SGCZ: variants seen among roughly 807,000 people sequenced by gnomAD.
SGCZ encodes the protein sarcoglycan zeta.
A neutral mutation model predicts 41.3 loss-of-function variants in SGCZ; 40 were observed. That is an observed-to-expected ratio of 0.97 (90% CI 0.75 to 1.26). The LOEUF (loss-of-function observed/expected upper bound fraction) is 1.26, where lower values mean the gene tolerates loss of function less well. Among genes scored for constraint, SGCZ ranks in the 50% most tolerant of loss-of-function variants. The pLI, the probability that SGCZ is intolerant of heterozygous loss-of-function variation, is 0.00. For missense variants in SGCZ, 552 were observed against 369.8 expected (o/e 1.49, Z -4.04); for synonymous variants, 206 against 137.5 (o/e 1.50, Z -3.49).
rs192997823 is a variant in SGCZ, at chr8:14,409,695, C to T, written c.235-85491G>A. Among the ~76,000 whole-genome samples, 402 of 152,134 alleles carry T rather than the reference C, an allele frequency of 2.6e-3. 2 individuals are homozygous for T. Among genetic ancestry groups the T allele is most frequent in the African/African-American group, 8.8e-3 (366 of 41,516 alleles). On this transcript the variant is annotated intron_variant, in intron 2 of 7. Coordinates refer to ENST00000382080, the MANE Select transcript of SGCZ (RefSeq NM_139167.4). The stretch of plus-strand genomic sequence containing the variant: ...GCTAACCACCATATTTGTGAAATAA[C>T]GTTTACTTGTTGAGAACATTCATTC...
chr8:14,370,525 G>A (rs550629490), intron 2 of SGCZ, among the ~76,000 whole-genome samples: 1 of 151,918 alleles, frequency 6.6e-6, no homozygotes, highest in East Asian at 1.9e-4. Context: ...AACACAACTG[G>A]TAAACAGATT....
In SGCZ at chr8:14,960,963, ACT is replaced by A. The variant is rs1554528846; in HGVS notation, c.39+276620_39+276621del. ...CACACACACACACACACACACACACACTCACTCAAGCAGAAATCACAAAGCCA... is the reference window on the plus strand; with the variant it reads ...CACACACACACACACACACACACACACACTCAAGCAGAAATCACAAAGCCA... On this transcript the variant is annotated intron_variant, in intron 1 of 7. Transcript: ENST00000382080. 5.9e-3 allele frequency among the ~76,000 whole-genome samples: 658 copies of A among 110,748 alleles called. 7 individuals are homozygous for A. The highest frequency in any genetic ancestry group is 0.046 in the East Asian group (207 of 4,534). 72.7% of individuals were successfully genotyped at this position (110,748 alleles called of 152,430 possible).
intron 1 of SGCZ, among the ~76,000 whole-genome samples, chr8:14,575,790 C>G (rs901980781): frequency 6.6e-6 from 1 of 151,862 alleles, no homozygotes; most frequent in African/African-American, 2.4e-5. Flanking sequence ...CCTGTAATCC[C>G]AGCTACTTTG....
intron 1 of SGCZ, among the ~76,000 whole-genome samples, chr8:14,600,903 T>C (rs1805570195): frequency 6.6e-6 from 1 of 151,930 alleles, no homozygotes; most frequent in Non-Finnish European, 1.5e-5. Flanking sequence ...TGATATTTTT[T>C]TTTTTGATCA....
At chr8:14,815,505 G>A (rs1479069339) in intron 1 of SGCZ, among the ~76,000 whole-genome samples, 2 of 152,020 alleles carry the variant, frequency 1.3e-5, no homozygotes, top group African/African-American at 4.8e-5. Context: ...TCTTCCGGCA[G>A]TATATCTTCC....
At chr8:14,554,709 T>A in intron 2 of SGCZ, 23 bp downstream of exon 2, 1 of 1,587,082 alleles carries the variant, frequency 6.3e-7, no homozygotes. Context: ...AGCAATAAGA[T>A]GTAAAATCAT....
intron 3 of SGCZ, among the ~76,000 whole-genome samples, chr8:14,277,600 T>G (rs932087684): frequency 4.6e-5 from 7 of 152,148 alleles, no homozygotes; most frequent in African/African-American, 1.4e-4. Flanking sequence ...GCTAGTAAGA[T>G]AGTGGTAAGA....
intron 2 of SGCZ, among the ~76,000 whole-genome samples, chr8:14,409,156 C>T (rs1393836393): frequency 6.6e-6 from 1 of 151,996 alleles, no homozygotes; most frequent in Admixed American, 6.6e-5. Context: ...TGGCAAAAAT[C>T]AATTAGTCAC....
chr8:14,523,564 T>A (rs1051653988), intron 2 of SGCZ, among the ~76,000 whole-genome samples: 3 of 152,026 alleles, frequency 2.0e-5, no homozygotes, highest in African/African-American at 7.2e-5. Context: ...ACAGATAAGG[T>A]GTTATTTCCC....
intron 1 of SGCZ, among the ~76,000 whole-genome samples, chr8:14,609,040 T>C (rs1223516419): frequency 6.6e-6 from 1 of 152,208 alleles, no homozygotes; most frequent in Non-Finnish European, 1.5e-5. Context: ...TTCATGTGTT[T>C]TGCAGAAAAA....
At chr8:15,125,550 G>A (rs987769040) in intron 1 of SGCZ, among the ~76,000 whole-genome samples, 2 of 151,946 alleles carry the variant, frequency 1.3e-5, no homozygotes, top group South Asian at 2.1e-4. Flanking sequence ...ACTAGCTTTC[G>A]ATTTGCAGGC....
At chr8:14,095,842 C>A (rs1161022189) in intron 7 of SGCZ, among the ~76,000 whole-genome samples, 1 of 151,932 alleles carries the variant, frequency 6.6e-6, no homozygotes, top group South Asian at 2.1e-4. Context: ...TTTATTCCTA[C>A]GTATTTCATT....
intron 2 of SGCZ, among the ~76,000 whole-genome samples, chr8:14,468,161 A>G (rs1010681273): frequency 1.9e-4 from 29 of 152,132 alleles, no homozygotes; most frequent in Admixed American, 1.6e-3. Context: ...CTTTCTAGCT[A>G]CATTACTTTA....
chr8:14,200,239 T>G (rs1805410579), intron 4 of SGCZ, among the ~76,000 whole-genome samples: 1 of 152,190 alleles, frequency 6.6e-6, no homozygotes, highest in African/African-American at 2.4e-5. Flanking sequence ...TGGGATAGAC[T>G]GTGTTCATGG....
intron 1 of SGCZ, among the ~76,000 whole-genome samples, chr8:14,756,320 G>C (rs2130337147): frequency 6.6e-6 from 1 of 151,928 alleles, no homozygotes; most frequent in East Asian, 1.9e-4. Flanking sequence ...TGAGTAGCTG[G>C]GATTATAGGC....
chr8:14,232,091 A>C (rs1178057858), intron 4 of SGCZ, among the ~76,000 whole-genome samples: 1 of 151,938 alleles, frequency 6.6e-6, no homozygotes, highest in Non-Finnish European at 1.5e-5. Flanking sequence ...ATTTACTTTC[A>C]GAATCCTAAT....
intron 1 of SGCZ, among the ~76,000 whole-genome samples, chr8:15,130,871 A>G (rs938195265): frequency 2.6e-5 from 4 of 152,180 alleles, no homozygotes; most frequent in Non-Finnish European, 5.9e-5. Context: ...AGTTGAAGAT[A>G]ATGTTTTTTC....
intron 2 of SGCZ, among the ~76,000 whole-genome samples, chr8:14,368,142 T>C (rs906233791): frequency 1.3e-5 from 2 of 152,086 alleles, no homozygotes; most frequent in African/African-American, 4.8e-5. Flanking sequence ...ATGAGTGTGC[T>C]TCTAAATGGT....
chr8:14,403,121 A>AT (rs1799122505), intron 2 of SGCZ, among the ~76,000 whole-genome samples: 1 of 149,824 alleles, frequency 6.7e-6, no homozygotes, highest in African/African-American at 2.5e-5. Flanking sequence ...AATGCTTGTG[A>AT]TTTTTGTACA....
Sources: allele counts gnomAD v4.1 joint callset (sites outside exome capture counted in the v4.1 genomes callset), GRCh38; gene constraint gnomAD v4.1.1; transcripts MANE v1.5; gene names NCBI Gene and HGNC (gene_info 2026-07-23, HGNC 2026-07-21).